The following IGF2BP2 variants were observed in gnomAD, a reference collection of about 807,000 sequenced individuals.
IGF2BP2 encodes insulin-like growth factor 2 mRNA-binding protein 2.
A neutral mutation model predicts 75.8 loss-of-function variants in IGF2BP2; 17 were observed. The ratio of observed to expected loss-of-function variants is 0.22; its 90% confidence interval spans 0.15 to 0.34. The LOEUF (loss-of-function observed/expected upper bound fraction) is 0.34, where lower values mean the gene tolerates loss of function less well. Among genes scored for constraint, IGF2BP2 ranks in the 10% least tolerant of loss-of-function variants. The pLI, the probability that IGF2BP2 is intolerant of heterozygous loss-of-function variation, is 1.00. For missense variants in IGF2BP2, 516 were observed against 772.4 expected, an observed-to-expected ratio of 0.67 and a Z score of 3.93; for synonymous variants, 288 against 295.6, an observed-to-expected ratio of 0.97 and a Z score of 0.26.
chr3:185,818,205 T>G (rs16860252), intron 2 of IGF2BP2, among the ~76,000 whole-genome samples: 2,607 of 152,260 alleles, frequency 0.017, 72 homozygotes, highest in African/African-American at 0.057. Flanking sequence ...TATTCAAATC[T>G]TGAATTTTCT....
chr3:185,738,429 G>C (rs1170457437), intron 2 of IGF2BP2, among the ~76,000 whole-genome samples: 2 of 152,196 alleles, frequency 1.3e-5, no homozygotes, highest in Non-Finnish European at 2.9e-5. Flanking sequence ...CAACACAGAA[G>C]ACGGAGGCAG....
At chr3:185,791,006 C>T (rs899246482) in intron 2 of IGF2BP2, among the ~76,000 whole-genome samples, 13 of 152,122 alleles carry the variant, frequency 8.5e-5, no homozygotes, top group South Asian at 2.1e-4. Context: ...GATATTCTGC[C>T]CCCAGAAATG....
chr3:185,747,569 C>T (rs1190484776), intron 2 of IGF2BP2, among the ~76,000 whole-genome samples: 1 of 152,064 alleles, frequency 6.6e-6, no homozygotes, highest in Non-Finnish European at 1.5e-5. Flanking sequence ...ATCCCAGCTA[C>T]TTGAGAGGCC....
chr3:185,741,123 T>G (rs949025506), intron 2 of IGF2BP2, among the ~76,000 whole-genome samples: 1 of 152,156 alleles, frequency 6.6e-6, no homozygotes, highest in Admixed American at 6.5e-5. Flanking sequence ...TCCACCAGCC[T>G]CGGCCTCCCA....
At chr3:185,719,599 C>T (rs1578090978) in intron 2 of IGF2BP2, among the ~76,000 whole-genome samples, 1 of 152,118 alleles carries the variant, frequency 6.6e-6, no homozygotes, top group African/African-American at 2.4e-5. Flanking sequence ...TTTGGGAGGC[C>T]GAGGCAGGTG....
intron 2 of IGF2BP2, among the ~76,000 whole-genome samples, chr3:185,730,369 T>A (rs1044752867): frequency 6.6e-5 from 10 of 152,084 alleles, no homozygotes; most frequent in African/African-American, 2.4e-4. Context: ...GGCACCCAGG[T>A]TGATTCCACG....
chr3:185,771,439 CAAA>C (rs1409378378), intron 2 of IGF2BP2, among the ~76,000 whole-genome samples: 12 of 78,332 alleles, frequency 1.5e-4, no homozygotes, highest in Admixed American at 1.4e-4. Flanking sequence ...GACTTCGTCT[CAAA>C]AAAAAAAAAA....
chr3:185,756,816 A>G (rs1261826350), intron 2 of IGF2BP2, among the ~76,000 whole-genome samples: 1 of 152,164 alleles, frequency 6.6e-6, no homozygotes, highest in Non-Finnish European at 1.5e-5. Context: ...CTACAAAATT[A>G]AAACAAAAAT....
intron 2 of IGF2BP2, among the ~76,000 whole-genome samples, chr3:185,707,157 G>A (rs1171026902): frequency 1.3e-5 from 2 of 150,676 alleles, no homozygotes; most frequent in Admixed American, 6.6e-5. Flanking sequence ...CCCAGGAGGT[G>A]GAGGCTGCGG....
rs1713311455 is a variant in IGF2BP2 at position 185,645,263 on chromosome 3, G to A, written c.*268C>T. 1.9e-6 allele frequency: 1 copy of A among 526,902 alleles called. No homozygotes were observed. Among genetic ancestry groups the A allele is most frequent in the South Asian group, 2.6e-5 (1 of 37,956 alleles). 32.6% of individuals were successfully genotyped at this position (526,902 alleles called of 1,614,324 possible). On this transcript the variant is annotated 3_prime_UTR_variant, in exon 16 of 16. Coordinates refer to ENST00000382199, the MANE Select transcript of IGF2BP2 (RefSeq NM_006548.6). The surrounding 1 kb of genome is among the most constrained non-coding windows in gnomAD (Gnocchi z 4.9). Reference sequence around the variant, plus strand: ...AGTTCAGGAGAGATCCGAGTGGATGGTGAAGTGGATGGCTGAAGCCTGCAG... The same window carrying A: ...AGTTCAGGAGAGATCCGAGTGGATGATGAAGTGGATGGCTGAAGCCTGCAG...
intron 2 of IGF2BP2, among the ~76,000 whole-genome samples, chr3:185,805,510 T>C (rs893075549): frequency 3.3e-5 from 5 of 152,148 alleles, no homozygotes; most frequent in Non-Finnish European, 5.9e-5. Flanking sequence ...TGGAGGTGGT[T>C]TGGCCCACGA....
chr3:185,758,106 C>T (rs1178598518), intron 2 of IGF2BP2, among the ~76,000 whole-genome samples: 3 of 152,228 alleles, frequency 2.0e-5, no homozygotes, highest in Non-Finnish European at 2.9e-5. Context: ...CACAACAGGA[C>T]AAGGTGTACT....
intron 2 of IGF2BP2, among the ~76,000 whole-genome samples, chr3:185,777,827 A>G (rs1734706593): frequency 6.6e-6 from 1 of 152,172 alleles, no homozygotes; most frequent in South Asian, 2.1e-4. Context: ...AGATCTCCTG[A>G]GGTCAGGAGG....
chr3:185,677,068 T>TATATATATATATATAGAG, intron 7 of IGF2BP2, among the ~76,000 whole-genome samples: 63 of 35,846 alleles, frequency 1.8e-3, no homozygotes, highest in South Asian at 3.4e-3. Context: ...TATATATATA[T>TATATATATATATATAGAG]AGAGAGAGAG....
chr3:185,777,424 G>A (rs953998331), intron 2 of IGF2BP2, among the ~76,000 whole-genome samples: 5 of 152,030 alleles, frequency 3.3e-5, no homozygotes, highest in Non-Finnish European at 5.9e-5. Context: ...CCAGGAAGTC[G>A]AAGCTGCAGT....
intron 2 of IGF2BP2, among the ~76,000 whole-genome samples, chr3:185,817,600 C>T (rs181851244): frequency 1.1e-4 from 17 of 152,166 alleles, no homozygotes; most frequent in South Asian, 6.2e-4. Context: ...TAAAATAGAA[C>T]CCATAGAGTC....
intron 2 of IGF2BP2, among the ~76,000 whole-genome samples, chr3:185,730,595 C>T (rs1268659154): frequency 6.6e-6 from 1 of 151,848 alleles, no homozygotes; most frequent in East Asian, 1.9e-4. Flanking sequence ...CCACCACGCC[C>T]GGCTAATTTT....
Position 185,687,078 on chromosome 3 carries a change from T to C in IGF2BP2, c.791A>G (p.Lys264Arg). Residue 264 changes from lysine to arginine, a missense_variant, in exon 7 of 16, where the codon AAA (lysine) becomes AGA (arginine). By Grantham distance (26) the Lys-to-Arg change is conservative. This residue lies in a region of IGF2BP2 where 312 missense variants were observed against 474.5 expected (regional missense o/e 0.66). Coordinates refer to ENST00000382199, the MANE Select transcript of IGF2BP2 (RefSeq NM_006548.6). Reference sequence around the variant, plus strand: ...TTACAGTTTGGTCTCATCTGCCTCTTTCTGCATGATTTCAAGAATCATGCG... The same window carrying C: ...TTACAGTTTGGTCTCATCTGCCTCTCTCTGCATGATTTCAAGAATCATGCG... Reference protein sequence around the residue: ...ACRMILEIMQKEADETKLAEE... With the variant: ...ACRMILEIMQREADETKLAEE... The C allele has an allele frequency of 6.2e-7, 1 of 1,613,238 alleles. No individual in the cohort carries two copies. The highest frequency in any genetic ancestry group is 8.5e-7 in the Non-Finnish European group (1 of 1,179,862).
chr3:185,762,315 G>T (rs151095132), intron 2 of IGF2BP2, among the ~76,000 whole-genome samples: 3,473 of 149,476 alleles, frequency 0.023, 64 homozygotes, highest in Middle Eastern at 0.055. Flanking sequence ...ATCACCTGAG[G>T]TCAGGAGTTC....
Sources: allele counts gnomAD v4.1 joint callset (sites outside exome capture counted in the v4.1 genomes callset), GRCh38; gene constraint gnomAD v4.1.1; regional missense constraint gnomAD v4.1.1; non-coding constraint Gnocchi (gnomAD v3.1); transcripts MANE v1.5; gene names NCBI Gene and HGNC (gene_info 2026-07-23, HGNC 2026-07-21).